Variants in ANK2 observed in about 807,000 individuals in gnomAD.
ANK2 encodes the protein ankyrin-2.
ANK2 carries 83 observed loss-of-function variants against 360.5 expected under a neutral mutation model. The observed-to-expected ratio is 0.23, with a 90% confidence interval of 0.19 to 0.28. The LOEUF (loss-of-function observed/expected upper bound fraction) is 0.28. Among genes scored for constraint, ANK2 ranks in the 10% least tolerant of loss-of-function variants. The pLI, the probability that ANK2 is intolerant of heterozygous loss-of-function variation, is 1.00. For synonymous variants in ANK2, 1,740 were observed against 1,759.5 expected (o/e 0.99, Z 0.28); for missense variants, 4,201 against 4,795.7 (o/e 0.88, Z 3.66).
intron 2 of ANK2, among the ~76,000 whole-genome samples, chr4:113,013,816 C>T (rs1024717609): frequency 1.3e-5 from 2 of 152,102 alleles, no homozygotes; most frequent in Non-Finnish European, 2.9e-5. Context: ...CTCGTGTTTA[C>T]TAAATATCTG....
At chr4:112,941,252 C>T (rs971659142) in intron 2 of ANK2, among the ~76,000 whole-genome samples, 22 of 147,872 alleles carry the variant, frequency 1.5e-4, no homozygotes, top group Non-Finnish European at 2.7e-4. Context: ...TATATCTTTT[C>T]ATAAAAGATA....
chr4:113,160,104 A>G (rs1288384581), intron 1 of ANK2, among the ~76,000 whole-genome samples: 1 of 152,334 alleles, frequency 6.6e-6, no homozygotes, highest in South Asian at 2.1e-4. Context: ...TACTAAATTC[A>G]TTAGTCATCC....
intron 26 of ANK2, among the ~76,000 whole-genome samples, chr4:113,326,320 A>C (rs72675269): frequency 0.047 from 7,101 of 152,258 alleles, 185 homozygotes; most frequent in South Asian, 0.1. Flanking sequence ...CCTATTGTCA[A>C]TAGACTTTTC....
At chr4:112,889,655 T>A (rs1423059905) in intron 1 of ANK2, among the ~76,000 whole-genome samples, 1 of 152,200 alleles carries the variant, frequency 6.6e-6, no homozygotes, top group Non-Finnish European at 1.5e-5. Context: ...AAGTAAAACA[T>A]GATACTTTCT....
the ANK2 span, chr4:112,788,313 C>T: frequency 1.9e-6 from 3 of 1,565,680 alleles, no homozygotes; most frequent in Admixed American, 5.1e-5. Context: ...ACGAGACGTC[C>T]CAGTCTTGCC....
chr4:112,864,632 T>TA (rs1463251843), intron 1 of ANK2, among the ~76,000 whole-genome samples: 3 of 151,982 alleles, frequency 2.0e-5, no homozygotes, highest in East Asian at 1.9e-4. Flanking sequence ...TAAAGTATTT[T>TA]AAAAAAACGT....
At chr4:113,041,417 C>T (rs1192078747) in intron 2 of ANK2, among the ~76,000 whole-genome samples, 1 of 152,088 alleles carries the variant, frequency 6.6e-6, no homozygotes, top group East Asian at 1.9e-4. Context: ...TCAAATCTCT[C>T]CAGCTCTTCA....
intron 2 of ANK2, among the ~76,000 whole-genome samples, chr4:112,974,847 G>GAAAAAA (rs766021382): frequency 8.0e-6 from 1 of 124,232 alleles, no homozygotes; most frequent in South Asian, 2.5e-4. Context: ...TATAGAAAAA[G>GAAAAAA]AAAAAAAAAA....
the ANK2 span, chr4:112,798,142 C>T: frequency 6.5e-6 from 1 of 153,522 alleles, no homozygotes; most frequent in East Asian, 1.9e-4. Context: ...GTACTACTTC[C>T]ACAGAATCTG....
At chr4:113,131,461 C>T (rs1039204234) in intron 1 of ANK2, among the ~76,000 whole-genome samples, 1 of 152,228 alleles carries the variant, frequency 6.6e-6, no homozygotes, top group African/African-American at 2.4e-5. Flanking sequence ...TTAGGGTCTA[C>T]TCCTTGTTAG....
chr4:112,820,636 A>G lies in ANK2; in HGVS notation c.-40+2372A>G, dbSNP rs78990906. Among the ~76,000 whole-genome samples, 943 of 152,266 alleles carry G rather than the reference A, an allele frequency of 6.2e-3. 6 individuals are homozygous for G. The highest frequency in any genetic ancestry group is 0.021 in the African/African-American group (863 of 41,550). ...TTTAAATTAGAGACAGGTTCTTGCT[A>G]TGTTGTCCAAGCTGGACTCAATTCC... On this transcript the variant is annotated intron_variant, in intron 1 of 30. Coordinates refer to the ANK2 transcript ENST00000503271.
At chr4:113,274,787 A>G (rs1162681208) in intron 15 of ANK2, 138 bp downstream of exon 15, 2 of 872,764 alleles carry the variant, frequency 2.3e-6, no homozygotes, top group East Asian at 5.3e-5. Flanking sequence ...TTTAAGACTC[A>G]TTGTCTAAAT....
chr4:113,044,246 A>G (rs915824058), intron 2 of ANK2, among the ~76,000 whole-genome samples: 3 of 152,194 alleles, frequency 2.0e-5, no homozygotes, highest in Non-Finnish European at 2.9e-5. Context: ...AAAAGGGAAT[A>G]AGAAGGACTC....
At chr4:113,216,852 A>C (rs1014313330) in intron 4 of ANK2, among the ~76,000 whole-genome samples, 1 of 152,068 alleles carries the variant, frequency 6.6e-6, no homozygotes, top group African/African-American at 2.4e-5. Context: ...TGGGATCAAG[A>C]ATTTTATCCA....
intron 26 of ANK2, among the ~76,000 whole-genome samples, chr4:113,326,138 A>T (rs2089719914): frequency 6.6e-6 from 1 of 151,948 alleles, no homozygotes; most frequent in Non-Finnish European, 1.5e-5. Flanking sequence ...TTTGCTTACA[A>T]TTTTTTTTAT....
intron 1 of ANK2, among the ~76,000 whole-genome samples, chr4:112,867,881 G>A (rs1425877539): frequency 6.6e-6 from 1 of 152,080 alleles, no homozygotes; most frequent in Non-Finnish European, 1.5e-5. Context: ...AAATTTTCAT[G>A]TGGACATAAC....
chr4:112,853,935 C>T (rs1475479813), intron 1 of ANK2, among the ~76,000 whole-genome samples: 1 of 152,170 alleles, frequency 6.6e-6, no homozygotes, highest in Non-Finnish European at 1.5e-5. Flanking sequence ...TTAATAATCT[C>T]CAACTACATG....
At chr4:113,188,413 A>G (rs1294511114) in intron 2 of ANK2, among the ~76,000 whole-genome samples, 1 of 152,174 alleles carries the variant, frequency 6.6e-6, no homozygotes, top group African/African-American at 2.4e-5. Flanking sequence ...ATTAGGTTCT[A>G]TTTACAAACC....
chr4:112,919,560 A>G (rs2090906058), intron 2 of ANK2, among the ~76,000 whole-genome samples: 1 of 152,154 alleles, frequency 6.6e-6, no homozygotes, highest in South Asian at 2.1e-4. Flanking sequence ...AGTGCGAGAT[A>G]CATAGAACTT....
Sources: allele counts gnomAD v4.1 joint callset (sites outside exome capture counted in the v4.1 genomes callset), GRCh38; gene constraint gnomAD v4.1.1; transcripts MANE v1.5; gene names NCBI Gene and HGNC (gene_info 2026-07-23, HGNC 2026-07-21).